PAH: variants seen among roughly 807,000 people sequenced by gnomAD.
PAH encodes the protein phenylalanine-4-hydroxylase.
In PAH, 64 loss-of-function variants were observed where a neutral mutation model predicts 62.0. That is an observed-to-expected ratio of 1.03 (90% CI 0.84 to 1.27). The LOEUF (loss-of-function observed/expected upper bound fraction) is 1.27, where lower values mean the gene tolerates loss of function less well. Among genes scored for constraint, PAH ranks in the 50% most tolerant of loss-of-function variants. The pLI is 0.00. For synonymous variants in PAH, 195 were observed against 196.2 expected, an observed-to-expected ratio of 0.99 and a Z score of 0.05; for missense variants, 579 against 542.8, an observed-to-expected ratio of 1.07 and a Z score of -0.66.
At chr12:102,911,545 T>C (rs1306958808) in intron 2 of PAH, among the ~76,000 whole-genome samples, 4 of 152,230 alleles carry the variant, frequency 2.6e-5, no homozygotes, top group African/African-American at 9.6e-5. Context: ...TACCTCATGT[T>C]ATTTTCATTA....
intron 4 of PAH, among the ~76,000 whole-genome samples, chr12:102,875,596 C>T (rs1453293660): frequency 6.6e-6 from 1 of 152,170 alleles, no homozygotes; most frequent in Non-Finnish European, 1.5e-5. Context: ...CTGGAGCAAC[C>T]TTGGCGCCCC....
At chr12:102,902,300 G>A (rs565174512) in intron 2 of PAH, among the ~76,000 whole-genome samples, 2 of 152,328 alleles carry the variant, frequency 1.3e-5, no homozygotes, top group African/African-American at 4.8e-5. Flanking sequence ...ACCAGGAATA[G>A]ATCATGGAAG....
chr12:102,896,510 A>G (rs1387287624), intron 2 of PAH, among the ~76,000 whole-genome samples: 1 of 152,240 alleles, frequency 6.6e-6, no homozygotes, highest in East Asian at 1.9e-4. Context: ...AAGGGATAAG[A>G]TAGACCAAGC....
At chr12:102,871,165 A>T (rs1048702514) in intron 4 of PAH, among the ~76,000 whole-genome samples, 1 of 152,206 alleles carries the variant, frequency 6.6e-6, no homozygotes, top group African/African-American at 2.4e-5. Context: ...TGGTGAGGCC[A>T]CTTGCCTCTT....
chr12:102,907,982 G>A (rs1413239456), intron 2 of PAH, among the ~76,000 whole-genome samples: 1 of 151,740 alleles, frequency 6.6e-6, no homozygotes, highest in Non-Finnish European at 1.5e-5. Flanking sequence ...GAAGTATACT[G>A]GCCTATACAA....
intron 6 of PAH, among the ~76,000 whole-genome samples, chr12:102,854,039 G>A (rs932061767): frequency 6.6e-6 from 1 of 152,118 alleles, no homozygotes; most frequent in Non-Finnish European, 1.5e-5. Context: ...ATTGGCCATG[G>A]CAATGGAAGT....
chr12:102,946,752 G>A (rs1429271656), intron 1 of PAH: 1 of 152,148 alleles, frequency 6.6e-6, no homozygotes, highest in East Asian at 1.9e-4. Flanking sequence ...CCTGATTTTT[G>A]GTTCTTATGA....
intron 1 of PAH, among the ~76,000 whole-genome samples, chr12:102,942,753 A>G: frequency 6.6e-6 from 1 of 152,178 alleles, no homozygotes; most frequent in East Asian, 1.9e-4. Flanking sequence ...GAATTCAGAA[A>G]TAAAGTTGCA....
intron 11 of PAH, 71 bp downstream of exon 11, chr12:102,843,575 A>G (rs894886853): frequency 4.5e-6 from 7 of 1,553,606 alleles, no homozygotes; most frequent in Middle Eastern, 1.7e-4. Flanking sequence ...CTCCTGGCCA[A>G]CCACCCACAG....
At chr12:102,917,471 C>A (rs556724761), upstream of PAH, 4 of 378,598 alleles carry the variant, frequency 1.1e-5, no homozygotes, top group African/African-American at 6.2e-5. Context: ...ACCCAAGCCC[C>A]GTCGATTAGA....
intron 1 of PAH, among the ~76,000 whole-genome samples, chr12:102,936,233 A>G (rs1463061052): frequency 1.3e-5 from 2 of 152,050 alleles, no homozygotes; most frequent in African/African-American, 4.8e-5. Flanking sequence ...TTCTTCCATT[A>G]TAGTCAGAGA....
intron 2 of PAH, among the ~76,000 whole-genome samples, chr12:102,903,303 G>A (rs940897103): frequency 9.2e-5 from 14 of 151,842 alleles, no homozygotes; most frequent in Non-Finnish European, 5.9e-5. Flanking sequence ...GGAGGTTGAG[G>A]TGGGCTGAGA....
At chr12:102,897,492 T>A (rs182833745) in intron 2 of PAH, among the ~76,000 whole-genome samples, 15,741 of 137,316 alleles carry the variant, frequency 0.11, 1,032 homozygotes, top group Non-Finnish European at 0.14. Context: ...TATATATATA[T>A]AATTCAAACT....
At chr12:102,947,339 G>C (rs1879540103) in intron 1 of PAH, among the ~76,000 whole-genome samples, 1 of 152,054 alleles carries the variant, frequency 6.6e-6, no homozygotes, top group African/African-American at 2.4e-5. Flanking sequence ...GAACACAAAA[G>C]GAGGGAACGA....
At chr12:102,844,268 A>G in intron 10 of PAH, 68 bp downstream of exon 10, 1 of 1,110,372 alleles carries the variant, frequency 9.0e-7, no homozygotes. Flanking sequence ...AACAATATTG[A>G]AAGCACAATA....
At chr12:102,861,148 AC>A (rs1875697560) in intron 5 of PAH, among the ~76,000 whole-genome samples, 1 of 152,204 alleles carries the variant, frequency 6.6e-6, no homozygotes, top group Non-Finnish European at 1.5e-5. Flanking sequence ...GAAAAAAACA[AC>A]CCCATCAAAA....
upstream of PAH, chr12:102,917,372 G>A (rs938529013): frequency 7.4e-6 from 4 of 537,126 alleles, no homozygotes; most frequent in Non-Finnish European, 1.4e-5. Context: ...GGCCGGAGGG[G>A]AGGGGCTGAG....
chr12:102,846,261 T>G (rs1874837997), intron 9 of PAH, among the ~76,000 whole-genome samples: 1 of 152,240 alleles, frequency 6.6e-6, no homozygotes, highest in African/African-American at 2.4e-5. Flanking sequence ...TATATCTTAA[T>G]AATAGATTTG....
intron 1 of PAH, among the ~76,000 whole-genome samples, chr12:102,942,927 A>G (rs748264927): frequency 2.6e-4 from 39 of 152,148 alleles, no homozygotes; most frequent in Non-Finnish European, 4.9e-4. Flanking sequence ...AAGATGATTA[A>G]AAGACCTAAA....
Sources: allele counts gnomAD v4.1 joint callset (sites outside exome capture counted in the v4.1 genomes callset), GRCh38; gene constraint gnomAD v4.1.1; transcripts MANE v1.5; gene names NCBI Gene and HGNC (gene_info 2026-07-23, HGNC 2026-07-21).